The following MBNL2 variants were observed in gnomAD, a reference collection of about 807,000 sequenced individuals.
MBNL2 encodes the protein muscleblind like splicing regulator 2.
Under a neutral mutation model 41.9 loss-of-function variants are expected in MBNL2, and 17 were observed. The observed-to-expected ratio is 0.41, with a 90% confidence interval of 0.28 to 0.61. The LOEUF is 0.61. Ranked by LOEUF, MBNL2 falls within the 20% of genes least tolerant of loss-of-function variation. The probability of loss-of-function intolerance (pLI) is 0.35; values close to 1 mark genes in which losing one functional copy is unlikely to be tolerated. For missense variants in MBNL2, 336 were observed against 505.6 expected (o/e 0.66, Z 3.22); for synonymous variants, 195 against 182.9 (o/e 1.07, Z -0.53).
the MBNL2 span, among the ~76,000 whole-genome samples, chr13:97,187,942 C>A: frequency 6.6e-5 from 10 of 150,870 alleles, no homozygotes; most frequent in Non-Finnish European, 1.3e-4. Flanking sequence ...CAATATATTT[C>A]TTTAAATGCA....
chr13:97,301,185 C>T (rs1410759), intron 2 of MBNL2, among the ~76,000 whole-genome samples: 69,841 of 152,116 alleles, frequency 0.46, 18,739 homozygotes, highest in East Asian at 0.6. Flanking sequence ...TTAACATGTA[C>T]GGTGGGAATG....
At chr13:97,383,133 G>A (rs2065627803) in intron 8 of MBNL2, among the ~76,000 whole-genome samples, 1 of 152,166 alleles carries the variant, frequency 6.6e-6, no homozygotes, top group Non-Finnish European at 1.5e-5. Context: ...TTGTTAGATG[G>A]TCTGAGGACA....
chr13:97,365,537 GC>G (rs2063779340), intron 8 of MBNL2, among the ~76,000 whole-genome samples: 1 of 152,182 alleles, frequency 6.6e-6, no homozygotes, highest in Non-Finnish European at 1.5e-5. Flanking sequence ...ATAGTGGTGT[GC>G]CTTTATCTCC....
chr13:97,166,900 C>T, the MBNL2 span, among the ~76,000 whole-genome samples: 1 of 150,116 alleles, frequency 6.7e-6, no homozygotes. Flanking sequence ...TTGGCTAATA[C>T]AACACAGTTC....
At chr13:97,218,440 C>CAAAACAAAAA (rs55815508), upstream of MBNL2, among the ~76,000 whole-genome samples, 34,227 of 116,320 alleles carry the variant, frequency 0.29, 5,791 homozygotes, top group Non-Finnish European at 0.38. Flanking sequence ...CAAAACAAAA[C>CAAAACAAAAA]AAAAAAAAAA....
intron 1 of MBNL2, among the ~76,000 whole-genome samples, chr13:97,232,367 A>T (rs1331867642): frequency 6.6e-6 from 1 of 152,172 alleles, no homozygotes; most frequent in Non-Finnish European, 1.5e-5. Context: ...ATGCATTTTT[A>T]ATTTACCAAT....
chr13:97,230,766 T>C (rs762113163), intron 1 of MBNL2, among the ~76,000 whole-genome samples: 11 of 152,196 alleles, frequency 7.2e-5, no homozygotes, highest in South Asian at 2.1e-4. Context: ...TGGGTTGAAC[T>C]ACTCTCCTGC....
intron 1 of MBNL2, among the ~76,000 whole-genome samples, chr13:97,224,689 A>G (rs2041334757): frequency 6.6e-6 from 1 of 152,122 alleles, no homozygotes; most frequent in South Asian, 2.1e-4. Context: ...TATTTAAAGT[A>G]CAAAGGGATA....
chr13:97,312,988 T>C (rs968803698), intron 2 of MBNL2, among the ~76,000 whole-genome samples: 12 of 152,264 alleles, frequency 7.9e-5, no homozygotes, highest in African/African-American at 2.4e-4. Context: ...CATGCAACCA[T>C]GTTCCCCTGG....
intron 2 of MBNL2, among the ~76,000 whole-genome samples, chr13:97,293,357 G>A (rs1465003997): frequency 6.6e-6 from 1 of 151,988 alleles, no homozygotes; most frequent in Non-Finnish European, 1.5e-5. Context: ...TGAAATTCTA[G>A]TAATAGTTTG....
rs139691328 is a variant in MBNL2 at position 97,351,815 on chromosome 13, G to C, written c.804+4748G>C. On this transcript the variant is annotated intron_variant, in intron 5 of 8. Transcript: ENST00000679496. ...GAGGTGGGTGGATCACTGGAAGCCA[G>C]GAGTTTGAGACCAGCCTGGCCAACA... Among the ~76,000 whole-genome samples, 11 of 152,198 alleles carry C rather than the reference G, an allele frequency of 7.2e-5. No homozygotes were observed. In the East Asian group the frequency reaches 2.1e-3, roughly 29 times the overall value.
chr13:97,176,908 T>C, the MBNL2 span, among the ~76,000 whole-genome samples: 1 of 151,864 alleles, frequency 6.6e-6, no homozygotes, highest in Non-Finnish European at 1.5e-5. Flanking sequence ...TATAAACCAA[T>C]AGTCAAGGGT....
rs74539319 is a variant in MBNL2, at chr13:97,305,098, G to A, written c.174+28689G>A. Among the ~76,000 whole-genome samples, 737 of 152,338 alleles carry A rather than the reference G, an allele frequency of 4.8e-3. 14 individuals are homozygous for A. Among genetic ancestry groups the A allele is most frequent in the Admixed American group, 0.035 (533 of 15,296 alleles). On this transcript the variant is annotated intron_variant, in intron 2 of 8. Coordinates refer to ENST00000679496, the MANE Select transcript of MBNL2 (RefSeq NM_001382683.1). ...TACCAGCCCACCCTGGATCAAGTAA[G>A]TGCTAATTACCACCTTCACAGATAT...
Position 97,365,178 on chromosome 13 carries a change from T to C in MBNL2, c.1048+7T>C. The C allele has an allele frequency of 6.3e-7, 1 of 1,587,100 alleles. No individual in the cohort carries two copies. The highest frequency in any genetic ancestry group is 8.7e-7 in the Non-Finnish European group (1 of 1,155,318). ...ACACCCGCTACCAGTATTGGTAGGT[T>C]TCAACCTTTTTTATTTGTCTTTTAT... On this transcript the variant is annotated splice_region_variant and intron_variant, in intron 8 of 8. Coordinates refer to ENST00000679496, the MANE Select transcript of MBNL2 (RefSeq NM_001382683.1).
At chr13:97,261,259 ATCAT>A (rs2048569032) in intron 1 of MBNL2, among the ~76,000 whole-genome samples, 1 of 152,148 alleles carries the variant, frequency 6.6e-6, no homozygotes. Flanking sequence ...CACTTCTGAC[ATCAT>A]TCACTGCTGC....
intron 2 of MBNL2, among the ~76,000 whole-genome samples, chr13:97,309,856 AGTTG>A (rs1451286111): frequency 6.6e-6 from 1 of 152,246 alleles, no homozygotes; most frequent in Non-Finnish European, 1.5e-5. Context: ...CTTGTTCATT[AGTTG>A]GTTTCATTCA....
At chr13:97,269,412 TCTGG>T (rs1183816644) in intron 1 of MBNL2, among the ~76,000 whole-genome samples, 1 of 152,132 alleles carries the variant, frequency 6.6e-6, no homozygotes, top group East Asian at 1.9e-4. Context: ...TTGTGGAACG[TCTGG>T]AGGTGCCCTC....
chr13:97,196,891 G>T, the MBNL2 span, among the ~76,000 whole-genome samples: 1 of 152,168 alleles, frequency 6.6e-6, no homozygotes, highest in East Asian at 1.9e-4. Flanking sequence ...AGCCTAGAAA[G>T]ATGCAATTTA....
rs376861134 is a variant in MBNL2, at chr13:97,343,159, G to A, written c.483G>A (p.Pro161=). 3.5e-5 allele frequency: 57 copies of A among 1,613,804 alleles called. No homozygotes were observed. The highest frequency in any genetic ancestry group is 7.7e-5 in the South Asian group (7 of 91,022). The change falls in exon 4 of 9, where the codon CCG becomes CCA. Residue 161 remains proline, a synonymous_variant. Transcript: ENST00000679496. The part of the protein sequence containing the change: ...TTPVIVPGSP[P]VTVPGSTATQ... ...CTGTTATTGTTCCCGGAAGTCCACCGGTCACTGTCCCGGGCTCAACTGCAA... is the reference window on the plus strand; with the variant it reads ...CTGTTATTGTTCCCGGAAGTCCACCAGTCACTGTCCCGGGCTCAACTGCAA...
Sources: gnomAD v4.1 joint callset for allele counts (sites outside exome capture counted in the v4.1 genomes callset) on GRCh38, gnomAD v4.1.1 for gene constraint, MANE v1.5 for transcripts, NCBI Gene and HGNC (gene_info 2026-07-23, HGNC 2026-07-21) for gene names.